Variants in FAM161B observed in about 807,000 individuals in gnomAD.
FAM161B encodes FAM161 centrosomal protein B, also known as protein FAM161B.
Under a neutral mutation model 61.5 loss-of-function variants are expected in FAM161B, and 46 were observed. The observed-to-expected ratio is 0.75, with a 90% CI of 0.59 to 0.96. The LOEUF (loss-of-function observed/expected upper bound fraction) is 0.96. Ranked by LOEUF, FAM161B falls within the 40% of genes least tolerant of loss-of-function variation. FAM161B has a pLI of 0.00. For missense variants in FAM161B, 774 were observed against 800.7 expected, an observed-to-expected ratio of 0.97 and a Z score of 0.40; for synonymous variants, 284 against 302.7, an observed-to-expected ratio of 0.94 and a Z score of 0.64.
In FAM161B at chr14:73,942,523, G is replaced by A. The variant is rs1347741292; in HGVS notation, c.1118C>T (p.Pro373Leu). ...RFQPRVNPVV[P>L]DYEGLYKAFQ... is the part of the protein sequence containing the mutation. ...GGCCTTGTAAAGGCCCTCATAGTCA[G>A]GGACCACAGGATTCACCCGAGGCTG... The change falls in exon 4 of 9, where the codon CCT becomes CTT. Residue 373 changes from proline (P) to leucine (L), a missense_variant. Coordinates refer to ENST00000286544, the MANE Select transcript of FAM161B (RefSeq NM_152445.3). The A allele has an allele frequency of 1.2e-6, 2 of 1,614,118 alleles. No homozygotes were observed. Among genetic ancestry groups the A allele is most frequent in the East Asian group, 2.2e-5 (1 of 44,902 alleles).
chr14:73,946,176 G>C, intron 2 of FAM161B, 110 bp downstream of exon 2: 1 of 1,155,468 alleles, frequency 8.7e-7, no homozygotes, highest in East Asian at 2.4e-5. Context: ...TCAGTAAATG[G>C]CAACTTGCAG....
Position 73,937,629 on chromosome 14 carries a change from C to T in FAM161B, c.1638G>A (p.Arg546=), listed in dbSNP as rs780402917. The T allele has an allele frequency of 6.8e-6, 11 of 1,614,028 alleles. No homozygotes were observed. The highest frequency in any genetic ancestry group is 9.3e-6 in the Non-Finnish European group (11 of 1,179,996). The change falls in exon 7 of 9, where the codon AGG becomes AGA. Residue 546 remains arginine, a synonymous_variant. Transcript: ENST00000286544. ...TGGCAACTTGTTCAAAGAGATAGGG[C>T]CTTGTTTGTATTCGCTGCTTCATTT... is the stretch of plus-strand genomic sequence containing the variant. The part of the protein sequence containing the change: ...LEEMKQRIQT[R]PYLFEQVAKD...
chr14:73,945,668 A>G (rs1460915747), intron 2 of FAM161B, among the ~76,000 whole-genome samples: 2 of 149,836 alleles, frequency 1.3e-5, no homozygotes, highest in Admixed American at 1.3e-4. Flanking sequence ...TGACCTCATG[A>G]TCCAGCCACC....
intron 8 of FAM161B, among the ~76,000 whole-genome samples, chr14:73,935,383 C>A (rs2055962737): frequency 6.6e-6 from 1 of 151,914 alleles, no homozygotes; most frequent in Non-Finnish European, 1.5e-5. Flanking sequence ...CAAAAATTAG[C>A]CAGGCGTGAT....
intron 5 of FAM161B, 100 bp from the exon 6 acceptor site, chr14:73,938,212 A>C (rs1267387025): frequency 7.1e-7 from 1 of 1,414,072 alleles, no homozygotes; most frequent in African/African-American, 1.4e-5. Flanking sequence ...TAGTCCTAGC[A>C]CTTTGGGAGG....
the FAM161B span, among the ~76,000 whole-genome samples, chr14:73,923,029 C>G: frequency 6.6e-6 from 1 of 152,132 alleles, no homozygotes; most frequent in African/African-American, 2.4e-5. Flanking sequence ...TTTTGTTACT[C>G]ATATCATATT....
Position 73,934,149 on chromosome 14 carries a change from ATCC to A in FAM161B, c.*104_*106del. On this transcript the variant is annotated 3_prime_UTR_variant, in exon 9 of 9. Coordinates refer to ENST00000286544, the MANE Select transcript of FAM161B (RefSeq NM_152445.3). ...TTAATCTGCTACTCTTCATTTGTCCATCCTCTAACAGTAGCCATGACTCAAAAC... is the reference window on the plus strand; with the variant it reads ...TTAATCTGCTACTCTTCATTTGTCCATCTAACAGTAGCCATGACTCAAAAC... 1 of 1,344,392 alleles carries A rather than the reference ATCC, an allele frequency of 7.4e-7. No individual in the cohort carries two copies. The highest frequency in any genetic ancestry group is 1.4e-5 in the South Asian group (1 of 70,382). 83.3% of individuals were successfully genotyped at this position (1,344,392 alleles called of 1,614,324 possible).
chr14:73,936,129 T>C (rs2055969730), intron 7 of FAM161B, 41 bp from the exon 8 acceptor site: 1 of 1,551,282 alleles, frequency 6.4e-7, no homozygotes, highest in African/African-American at 1.4e-5. Flanking sequence ...GTCTTATGAA[T>C]TACCAGACAA....
chr14:73,925,403 C>T, the FAM161B span, among the ~76,000 whole-genome samples: 5 of 151,392 alleles, frequency 3.3e-5, no homozygotes, highest in East Asian at 1.9e-4. Context: ...CGGCTGAGAG[C>T]GGCAGCTCAC....
intron 2 of FAM161B, among the ~76,000 whole-genome samples, chr14:73,946,053 TTTAA>T (rs1172342043): frequency 6.6e-6 from 1 of 152,200 alleles, no homozygotes; most frequent in African/African-American, 2.4e-5. Context: ...AAGGCTGCCC[TTTAA>T]TTAATTCCAG....
At chr14:73,923,289 A>C in the FAM161B span, 2 of 1,270,598 alleles carry the variant, frequency 1.6e-6, no homozygotes, top group South Asian at 3.6e-5. Context: ...GGAATGTGGG[A>C]AATAGAGGAA....
At chr14:73,928,642 G>C (rs1272371768), downstream of FAM161B, among the ~76,000 whole-genome samples, 1 of 152,066 alleles carries the variant, frequency 6.6e-6, no homozygotes, top group East Asian at 1.9e-4. Flanking sequence ...GCATAACACA[G>C]GCTGCCTAAA....
chr14:73,941,392 G>C (rs956633717), intron 4 of FAM161B, among the ~76,000 whole-genome samples: 2 of 152,132 alleles, frequency 1.3e-5, no homozygotes, highest in Non-Finnish European at 2.9e-5. Context: ...AAAGTGCTGG[G>C]ATTACAGGTG....
intron 4 of FAM161B, 61 bp downstream of exon 4, chr14:73,942,308 T>C: frequency 2.6e-6 from 4 of 1,519,312 alleles, no homozygotes; most frequent in Middle Eastern, 2.3e-4. Context: ...CAGGAAGACC[T>C]GGCCCCACCC....
chr14:73,924,143 GGTCT>G, the FAM161B span, among the ~76,000 whole-genome samples: 1 of 152,102 alleles, frequency 6.6e-6, no homozygotes, highest in Admixed American at 6.5e-5. Flanking sequence ...CTAAATCAAT[GGTCT>G]CCAGCCTTTT....
Position 73,944,559 on chromosome 14 carries a change from A to G in FAM161B, c.701T>C (p.Met234Thr), listed in dbSNP as rs1357164866. Residue 234 changes from methionine to threonine, a missense_variant, in exon 3 of 9, where the codon ATG becomes ACG. Coordinates refer to ENST00000286544, the MANE Select transcript of FAM161B (RefSeq NM_152445.3). ...CTGCCTTCGGGCCTCGCTGCGCTCC[A>G]TGATCTCTTGGTAGAGGGGCAGGTA... is the stretch of plus-strand genomic sequence containing the variant. ...HVYLPLYQEI[M>T]ERSEARRQAG... 6.2e-7 allele frequency: 1 copy of G among 1,614,044 alleles called. No individual in the cohort carries two copies. The highest frequency in any genetic ancestry group is 1.3e-5 in the African/African-American group (1 of 75,022).
Position 73,932,728 on chromosome 14 carries a change from C to T in FAM161B, c.*1528G>A, listed in dbSNP as rs998348671. ...TAACCTTGAACTCCTACGCTCAAGG[C>T]ATCCTCCCACCTCAGCCTCCTGAAT... On this transcript the variant is annotated 3_prime_UTR_variant, in exon 9 of 9. Coordinates refer to ENST00000286544, the MANE Select transcript of FAM161B (RefSeq NM_152445.3). The T allele has an allele frequency of 3.2e-6, 1 of 308,084 alleles. No homozygotes were observed. Among genetic ancestry groups the T allele is most frequent in the African/African-American group, 2.2e-5 (1 of 45,234 alleles). The allele number at this position is 308,084 out of a possible 1,614,324, so 19.1% of individuals were successfully genotyped here.
At chr14:73,935,485 C>T (rs1376348568) in intron 8 of FAM161B, among the ~76,000 whole-genome samples, 6 of 150,934 alleles carry the variant, frequency 4.0e-5, no homozygotes, top group East Asian at 1.9e-4. Flanking sequence ...CCAGAAATCG[C>T]GCCACTGCAC....
downstream of FAM161B, chr14:73,931,597 T>C: frequency 1.3e-6 from 2 of 1,543,112 alleles, no homozygotes; most frequent in Non-Finnish European, 8.9e-7. Flanking sequence ...ATGCGTATAC[T>C]GGGAACAGGA....
Sources: allele counts gnomAD v4.1 joint callset (sites outside exome capture counted in the v4.1 genomes callset), GRCh38; gene constraint gnomAD v4.1.1; transcripts MANE v1.5; gene names NCBI Gene and HGNC (gene_info 2026-07-23, HGNC 2026-07-21).